STK32C: variants seen among roughly 807,000 people sequenced by gnomAD.
STK32C encodes the protein serine/threonine kinase 32C.
Under a neutral mutation model 56.5 loss-of-function variants are expected in STK32C, and 31 were observed. The ratio of observed to expected loss-of-function variants is 0.55; its 90% CI spans 0.41 to 0.74. The LOEUF (loss-of-function observed/expected upper bound fraction) is 0.74, where lower values mean the gene tolerates loss of function less well. Ranked by LOEUF, STK32C falls within the 30% of genes least tolerant of loss-of-function variation. The pLI, the probability that STK32C is intolerant of heterozygous loss-of-function variation, is 0.00. For missense variants in STK32C, 544 were observed against 676.9 expected (o/e 0.80, Z 2.18); for synonymous variants, 309 against 289.4 (o/e 1.07, Z -0.69).
At position 132,253,402 on chromosome 10, in the gene STK32C, C is replaced by CGAGGGAGCTGGAGGGAGCTG. The variant is rs1309297808; in HGVS notation, c.263-7467_263-7448dup. 8.4e-4 allele frequency among the ~76,000 whole-genome samples: 116 copies of CGAGGGAGCTGGAGGGAGCTG among 138,762 alleles called. 5 individuals carry two copies. The highest frequency in any genetic ancestry group is 3.1e-3 in the African/African-American group (106 of 33,786). 91.0% of individuals were successfully genotyped at this position (138,762 alleles called of 152,430 possible). A position where few individuals can be genotyped will look rare whatever the true frequency, so the allele number is the denominator to read the frequency against. On this transcript the variant is annotated intron_variant, in intron 1 of 11. Transcript: ENST00000298630. Reference sequence around the variant, plus strand: ...GGGAGCCGAGGTAGCTGGAGGGAGTCGAGGGAGCTGGAGGGAGCTGGAGGG... The same window carrying CGAGGGAGCTGGAGGGAGCTG: ...GGGAGCCGAGGTAGCTGGAGGGAGTCGAGGGAGCTGGAGGGAGCTGGAGGGAGCTGGAGGGAGCTGGAGGG...
chr10:132,221,789 G>A (rs2062671947), intron 10 of STK32C, among the ~76,000 whole-genome samples: 1 of 135,330 alleles, frequency 7.4e-6, no homozygotes, highest in Non-Finnish European at 1.5e-5. Context: ...GAGTCTGAGG[G>A]CTTCATGTGG....
At chr10:132,305,109 C>T (rs2066020896) in intron 1 of STK32C, among the ~76,000 whole-genome samples, 1 of 152,202 alleles carries the variant, frequency 6.6e-6, no homozygotes, top group Non-Finnish European at 1.5e-5. Context: ...GACCCCCTAA[C>T]CAAGTTCAAC....
chr10:132,294,245 G>C (rs138610066), intron 1 of STK32C, among the ~76,000 whole-genome samples: 3 of 152,186 alleles, frequency 2.0e-5, no homozygotes, highest in African/African-American at 4.8e-5. Context: ...ATCCGCCAAG[G>C]AGGCCATGGA....
chr10:132,229,259 G>A (rs547593857), intron 2 of STK32C, among the ~76,000 whole-genome samples: 1 of 152,312 alleles, frequency 6.6e-6, no homozygotes, highest in East Asian at 1.9e-4. Context: ...GGTCCTCAAG[G>A]AGTTGGAGCC....
intron 1 of STK32C, among the ~76,000 whole-genome samples, chr10:132,269,163 G>A (rs1277157840): frequency 6.6e-6 from 1 of 151,838 alleles, no homozygotes; most frequent in Admixed American, 6.6e-5. Flanking sequence ...GTTGCATCGT[G>A]TGTGCATGTG....
At chr10:132,321,081 G>A (rs936117393), downstream of STK32C, among the ~76,000 whole-genome samples, 1 of 152,240 alleles carries the variant, frequency 6.6e-6, no homozygotes, top group African/African-American at 2.4e-5. Context: ...CAACTGGAGA[G>A]TGGGATGGAA....
chr10:132,249,159 C>T (rs1590260584), intron 1 of STK32C: 3 of 224,276 alleles, frequency 1.3e-5, no homozygotes, highest in African/African-American at 6.4e-5. Flanking sequence ...GCGGGGCGTG[C>T]AGGGGGCGGG....
intron 2 of STK32C, among the ~76,000 whole-genome samples, chr10:132,236,322 C>T (rs1354608768): frequency 3.3e-5 from 5 of 152,234 alleles, no homozygotes; most frequent in Non-Finnish European, 5.9e-5. Flanking sequence ...AATGTCCCCG[C>T]GGTCCTGGAT....
chr10:132,322,380 CTTAA>C (rs1416910346), downstream of STK32C, among the ~76,000 whole-genome samples: 2 of 152,148 alleles, frequency 1.3e-5, no homozygotes, highest in East Asian at 3.8e-4. Flanking sequence ...TTTTGGCTGA[CTTAA>C]TTTTCTTTAT....
chr10:132,249,622 C>G (rs370909457), intron 1 of STK32C, among the ~76,000 whole-genome samples: 47 of 152,320 alleles, frequency 3.1e-4, no homozygotes, highest in African/African-American at 1.1e-3. Context: ...GGCATCGTGG[C>G]TGTCCTCTGG....
chr10:132,281,700 T>C (rs1165322148), intron 1 of STK32C, among the ~76,000 whole-genome samples: 2 of 152,130 alleles, frequency 1.3e-5, no homozygotes, highest in African/African-American at 4.8e-5. Flanking sequence ...CCTGGGCCGG[T>C]CGGGTGGTTT....
intron 10 of STK32C, among the ~76,000 whole-genome samples, chr10:132,214,375 G>C (rs942548349): frequency 3.9e-5 from 6 of 152,152 alleles, no homozygotes; most frequent in Non-Finnish European, 8.8e-5. Flanking sequence ...TTAAAGTGTT[G>C]AAAGTAAAAA....
At chr10:132,305,554 C>T (rs2066032586) in intron 1 of STK32C, among the ~76,000 whole-genome samples, 1 of 152,206 alleles carries the variant, frequency 6.6e-6, no homozygotes, top group Non-Finnish European at 1.5e-5. Context: ...TGCCACGGGG[C>T]CACGAAAGTA....
chr10:132,227,468 T>C (rs947610259), intron 3 of STK32C, among the ~76,000 whole-genome samples: 3 of 151,844 alleles, frequency 2.0e-5, no homozygotes, highest in African/African-American at 7.3e-5. Flanking sequence ...TAGTGAGGAC[T>C]GAGGGTGGTG....
chr10:132,307,819 G>C lies in STK32C; in HGVS notation c.15C>G (p.Ala5=), dbSNP rs2066126058. 4 of 1,066,186 alleles carry C rather than the reference G, an allele frequency of 3.8e-6. No individual in the cohort carries two copies. The highest frequency in any genetic ancestry group is 5.2e-5 in the South Asian group (2 of 38,216). 66.0% of individuals were successfully genotyped at this position (1,066,186 alleles called of 1,614,324 possible). The change falls in exon 1 of 12, where the codon GCC becomes GCG. Residue 5 remains alanine, a synonymous_variant. Coordinates refer to ENST00000298630, the MANE Select transcript of STK32C (RefSeq NM_173575.4). This position sits in a 1 kb window ranked among gnomAD's most constrained non-coding sequence, Gnocchi z 4.4. ...CCGCGGCGCTGCTGCCCCTGCGCTC[G>C]GCGCCACTCCTCATCGCCGGGTCTG... MRSG[A]ERRGSSAAAS... is the part of the protein sequence containing the mutation.
chr10:132,209,642 A>G (rs1283023778), intron 10 of STK32C, among the ~76,000 whole-genome samples: 5 of 136,762 alleles, frequency 3.7e-5, no homozygotes, highest in Non-Finnish European at 7.8e-5. Context: ...TTCAGGCAGC[A>G]GGACCACTTC....
chr10:132,248,881 G>A, intron 1 of STK32C: 1 of 444,974 alleles, frequency 2.2e-6, no homozygotes, highest in Non-Finnish European at 4.5e-6. Context: ...AGGGAGTCCA[G>A]CCACCATCAC....
At position 132,302,968 on chromosome 10, in the gene STK32C, C is replaced by A. The variant is rs2065953465; in HGVS notation, c.262+4604G>T. On this transcript the variant is annotated intron_variant, in intron 1 of 11. Coordinates refer to ENST00000298630, the MANE Select transcript of STK32C (RefSeq NM_173575.4). ...ACAAAATGAACTTCAAAGCTATAGA[C>A]TAACGAGAATTTAGCCAAGTGCAGT... 4.6e-5 allele frequency among the ~76,000 whole-genome samples: 7 copies of A among 152,316 alleles called. 1 individual carries two copies. The South Asian group carries it at 1.5e-3, about 32-fold the overall frequency.
At chr10:132,316,153 G>T (rs950814005) in intron 1 of STK32C, among the ~76,000 whole-genome samples, 5 of 152,036 alleles carry the variant, frequency 3.3e-5, no homozygotes, top group African/African-American at 1.2e-4. Context: ...CTTGTTGCAT[G>T]CCATAAGTAT....
Sources: gnomAD v4.1 joint callset for allele counts (sites outside exome capture counted in the v4.1 genomes callset) on GRCh38, gnomAD v4.1.1 for gene constraint, Gnocchi (gnomAD v3.1) non-coding constraint, MANE v1.5 for transcripts, NCBI Gene and HGNC (gene_info 2026-07-23, HGNC 2026-07-21) for gene names.